Variants in CNTN5 observed in about 807,000 individuals in gnomAD.
CNTN5 encodes contactin 5.
CNTN5 carries 77 observed loss-of-function variants against 129.1 expected under a neutral mutation model. The observed-to-expected ratio is 0.60, with a 90% CI of 0.50 to 0.72. CNTN5 has a LOEUF of 0.72. Ranked by LOEUF, CNTN5 falls within the 30% of genes least tolerant of loss-of-function variation. CNTN5 has a pLI of 0.00. For missense variants in CNTN5, 1,478 were observed against 1,328.8 expected, an observed-to-expected ratio of 1.11 and a Z score of -1.75; for synonymous variants, 509 against 465.6, an observed-to-expected ratio of 1.09 and a Z score of -1.20.
intron 4 of CNTN5, among the ~76,000 whole-genome samples, chr11:99,837,651 G>A (rs1225249714): frequency 6.8e-6 from 1 of 147,442 alleles, no homozygotes; most frequent in African/African-American, 2.5e-5. Context: ...AATGGGATTA[G>A]GGAGCATCTA....
intron 2 of CNTN5, among the ~76,000 whole-genome samples, chr11:99,472,843 C>T (rs1945227500): frequency 6.6e-6 from 1 of 152,010 alleles, no homozygotes; most frequent in African/African-American, 2.4e-5. Flanking sequence ...TGAACGATAA[C>T]AAACATTTTG....
chr11:99,973,902 T>C (rs11222115), intron 8 of CNTN5, among the ~76,000 whole-genome samples: 28,236 of 152,196 alleles, frequency 0.19, 2,689 homozygotes, highest in Middle Eastern at 0.23. Flanking sequence ...TCTTAACAAA[T>C]GTACTGAGCC....
chr11:99,059,596 C>CTTCTCA (rs372952654), intron 1 of CNTN5, among the ~76,000 whole-genome samples: 1 of 151,418 alleles, frequency 6.6e-6, no homozygotes, highest in South Asian at 2.1e-4. Flanking sequence ...ATTCACACAC[C>CTTCTCA]TTCTCATTGA....
chr11:100,210,625 A>G (rs886467330), intron 15 of CNTN5, among the ~76,000 whole-genome samples: 1 of 152,218 alleles, frequency 6.6e-6, no homozygotes, highest in Non-Finnish European at 1.5e-5. Context: ...ATGATAGATT[A>G]CATTAGGCAG....
At chr11:99,958,770 A>T (rs1266782382) in intron 8 of CNTN5, among the ~76,000 whole-genome samples, 1 of 152,170 alleles carries the variant, frequency 6.6e-6, no homozygotes, top group Non-Finnish European at 1.5e-5. Context: ...TTAAGACGTT[A>T]TTGCATTCTT....
At position 99,382,992 on chromosome 11, in the gene CNTN5, G is replaced by A. The variant is rs190694539; in HGVS notation, c.-71+57508G>A. 3.6e-3 allele frequency among the ~76,000 whole-genome samples: 541 copies of A among 151,226 alleles called. 5 individuals are homozygous for A. The highest frequency in any genetic ancestry group is 6.8e-3 in the Middle Eastern group (2 of 292). ...CTGCCTCAGCCTCCTGAGTAGCTGG[G>A]ACTACAGCCGTCCACCACGACGGCC... is the stretch of plus-strand genomic sequence containing the variant. On this transcript the variant is annotated intron_variant, in intron 2 of 24. Coordinates refer to ENST00000524871, the MANE Select transcript of CNTN5 (RefSeq NM_014361.4).
chr11:100,322,157 G>T (rs1042094642), intron 21 of CNTN5, among the ~76,000 whole-genome samples: 2 of 151,190 alleles, frequency 1.3e-5, no homozygotes, highest in African/African-American at 4.9e-5. Context: ...TTTATGTCTT[G>T]TTATTTTTCA....
chr11:99,957,120 G>A, intron 8 of CNTN5, 111 bp downstream of exon 8: 2 of 952,566 alleles, frequency 2.1e-6, no homozygotes, highest in Non-Finnish European at 3.1e-6. Flanking sequence ...AAATAAAAAG[G>A]CATTTGCCAT....
chr11:99,328,732 T>A (rs1346242318), intron 2 of CNTN5, among the ~76,000 whole-genome samples: 1 of 151,604 alleles, frequency 6.6e-6, no homozygotes, highest in Non-Finnish European at 1.5e-5. Flanking sequence ...TAGCCAAGCA[T>A]GATGGTGCAT....
intron 18 of CNTN5, 78 bp downstream of exon 18, chr11:100,271,319 C>A: frequency 1.0e-6 from 1 of 1,004,626 alleles, no homozygotes; most frequent in Non-Finnish European, 1.4e-6. Flanking sequence ...ACCATGATTG[C>A]TCCATTGCTT....
At chr11:100,047,827 T>C (rs757868146) in intron 9 of CNTN5, among the ~76,000 whole-genome samples, 8 of 124,354 alleles carry the variant, frequency 6.4e-5, no homozygotes, top group Non-Finnish European at 1.2e-4. Flanking sequence ...AGGACACAGA[T>C]AGAATTTTTA....
intron 2 of CNTN5, among the ~76,000 whole-genome samples, chr11:99,345,545 TA>T (rs1281522225): frequency 1.3e-5 from 2 of 152,106 alleles, no homozygotes; most frequent in African/African-American, 4.8e-5. Flanking sequence ...ACTCAAATTT[TA>T]CAAAAAAGGA....
chr11:99,382,845 C>G lies in CNTN5; in HGVS notation c.-71+57361C>G, dbSNP rs74240236. Among the ~76,000 whole-genome samples the G allele has an allele frequency of 8.8e-3, 674 of 76,992 alleles. 11 individuals are homozygous for G. The highest frequency in any genetic ancestry group is 0.033 in the Middle Eastern group (3 of 90). 50.5% of individuals were successfully genotyped at this position (76,992 alleles called of 152,430 possible). On this transcript the variant is annotated intron_variant, in intron 2 of 24. Transcript: ENST00000524871. The stretch of plus-strand genomic sequence containing the variant: ...ACATCTCACTAGTGTCTCTAAATAA[C>G]TTTTTTTTTTTTTTTTTTTTTTTTT...
chr11:99,246,861 A>C (rs2135777641), intron 1 of CNTN5, among the ~76,000 whole-genome samples: 1 of 152,306 alleles, frequency 6.6e-6, no homozygotes, highest in East Asian at 1.9e-4. Flanking sequence ...CATATGATAC[A>C]AAAAAGATCT....
chr11:99,163,428 C>A (rs528835087), intron 1 of CNTN5, among the ~76,000 whole-genome samples: 1 of 151,510 alleles, frequency 6.6e-6, no homozygotes, highest in African/African-American at 2.4e-5. Context: ...TAGTTTTCTC[C>A]AATTATTTTA....
intron 18 of CNTN5, among the ~76,000 whole-genome samples, chr11:100,292,632 A>T (rs1439472812): frequency 6.6e-6 from 1 of 151,992 alleles, no homozygotes; most frequent in East Asian, 1.9e-4. Context: ...AAGAAATAAT[A>T]TCCCCACTTC....
intron 6 of CNTN5, among the ~76,000 whole-genome samples, chr11:99,905,822 G>A (rs1239296781): frequency 6.6e-6 from 1 of 152,138 alleles, no homozygotes; most frequent in Admixed American, 6.6e-5. Flanking sequence ...TCCTTGAGCA[G>A]TAGTTTGCAG....
intron 8 of CNTN5, among the ~76,000 whole-genome samples, chr11:99,990,372 A>G (rs1165427888): frequency 6.6e-6 from 1 of 151,392 alleles, no homozygotes. Context: ...TTATTTTTAG[A>G]ATGTATTTAT....
chr11:99,590,233 T>C (rs1234583098), intron 3 of CNTN5, among the ~76,000 whole-genome samples: 1 of 152,138 alleles, frequency 6.6e-6, no homozygotes, highest in African/African-American at 2.4e-5. Context: ...CAGAGTACAA[T>C]TTCAAAAACT....
Sources: gnomAD v4.1 joint callset for allele counts (sites outside exome capture counted in the v4.1 genomes callset) on GRCh38, gnomAD v4.1.1 for gene constraint, MANE v1.5 for transcripts, NCBI Gene and HGNC (gene_info 2026-07-23, HGNC 2026-07-21) for gene names.